Variants in SDR42E2 observed in about 807,000 individuals in gnomAD.
The protein encoded by SDR42E2 is putative short-chain dehydrogenase/reductase family 42E member 2.
Under a neutral mutation model 10.5 loss-of-function variants are expected in SDR42E2, and 20 were observed. The observed-to-expected ratio is 1.90, with a 90% CI of 1.34 to 2.77. The LOEUF (loss-of-function observed/expected upper bound fraction) is 2.77, where lower values mean the gene tolerates loss of function less well. Ranked by LOEUF, SDR42E2 falls within the 30% of genes most tolerant of loss-of-function variation. SDR42E2 has a pLI of 0.00. For synonymous variants in SDR42E2, 72 were observed against 39.2 expected (o/e 1.84, Z -3.12); for missense variants, 162 against 104.2 (o/e 1.55, Z -2.42).
rs2046762391 is a variant in SDR42E2 at position 22,190,196 on chromosome 16, G to A, written c.1072G>A (p.Gly358Ser). ...FQIAKARAQL[G>S]YAPDKFRFAD... ...GATAGCCAAGGCCCGCGCCCAGCTCGGCTACGCGCCGGATAAGTTTAGGTT... is the reference window on the plus strand; with the variant it reads ...GATAGCCAAGGCCCGCGCCCAGCTCAGCTACGCGCCGGATAAGTTTAGGTT... Residue 358 changes from glycine to serine, a missense_variant, in exon 13 of 13, where the codon GGC becomes AGC. Physicochemically the swap from Gly to Ser is moderately conservative, Grantham distance 56. Transcript: ENST00000602312. The A allele has an allele frequency of 2.5e-6, 1 of 401,074 alleles. No homozygotes were observed. Among genetic ancestry groups the A allele is most frequent in the East Asian group, 3.6e-5 (1 of 28,046 alleles). The allele number at this position is 401,074 out of a possible 1,614,324, so 24.8% of individuals were successfully genotyped here.
intron 7 of SDR42E2, among the ~76,000 whole-genome samples, chr16:22,173,905 G>GTATATATATATATATATATA (rs770541596): frequency 2.3e-4 from 27 of 114,990 alleles, no homozygotes; most frequent in South Asian, 1.2e-3. Context: ...ATGTGTGTGT[G>GTATATATATATATATATATA]TATATATATA....
intron 5 of SDR42E2, among the ~76,000 whole-genome samples, chr16:22,170,447 T>C (rs1330518631): frequency 6.6e-6 from 1 of 152,238 alleles, no homozygotes; most frequent in East Asian, 1.9e-4. Flanking sequence ...TGCCTGGGCA[T>C]GTCCTGCCTT....
chr16:22,169,475 G>T lies in SDR42E2; in HGVS notation c.367G>T (p.Val123Phe), dbSNP rs2046574478. 1 of 703,448 alleles carries T rather than the reference G, an allele frequency of 1.4e-6. No individual in the cohort carries two copies. The highest frequency in any genetic ancestry group is 1.5e-5 in the South Asian group (1 of 67,608). The allele number at this position is 703,448 out of a possible 1,614,324, so 43.6% of individuals were successfully genotyped here. A position where few individuals can be genotyped will look rare whatever the true frequency, so the allele number is the denominator to read the frequency against. Reference sequence around the variant, plus strand: ...GAAAGAGCAGATTGAGTCTATAAATGTTGGAGGCACCAAACTAGTGATTGA... The same window carrying T: ...GAAAGAGCAGATTGAGTCTATAAATTTTGGAGGCACCAAACTAGTGATTGA... The part of the protein sequence containing the change: ...LQKEQIESIN[V>F]GGTKLVIDVC... The change falls in exon 5 of 13, where the codon GTT becomes TTT. Residue 123 changes from valine to phenylalanine, a missense_variant. Physicochemically the swap from Val to Phe is conservative, Grantham distance 50. Transcript: ENST00000602312.
chr16:22,187,643 T>C (rs2046745045), intron 12 of SDR42E2, among the ~76,000 whole-genome samples: 1 of 150,488 alleles, frequency 6.6e-6, no homozygotes, highest in South Asian at 2.1e-4. Flanking sequence ...GCCTTCTAAA[T>C]AGCTGAGATT....
At chr16:22,181,710 C>T (rs2046697444) in intron 9 of SDR42E2, 54 bp downstream of exon 9, 3 of 682,162 alleles carry the variant, frequency 4.4e-6, no homozygotes, top group South Asian at 1.5e-5. Context: ...GCAGGCAGAG[C>T]GTCCCATCCC....
rs758470613 is a variant in SDR42E2, at chr16:22,167,038, TGG to T, written c.336+42_336+43del. On this transcript the variant is annotated intron_variant, in intron 4 of 12. Coordinates refer to ENST00000602312, the MANE Select transcript of SDR42E2 (RefSeq NM_001394319.2). ...ACACAACACCTGGAGTTAGACAGAGTGGGGTTCCAGTCCTGGCTCTGCCCTCA... is the reference window on the plus strand; with the variant it reads ...ACACAACACCTGGAGTTAGACAGAGTGGTTCCAGTCCTGGCTCTGCCCTCA... 1.6e-5 allele frequency: 11 copies of T among 696,964 alleles called. 1 individual carries two copies. In the South Asian group the frequency reaches 1.6e-4, roughly 10 times the overall value. The allele number at this position is 696,964 out of a possible 1,614,324, so 43.2% of individuals were successfully genotyped here. A position where few individuals can be genotyped will look rare whatever the true frequency, so the allele number is the denominator to read the frequency against.
At chr16:22,187,171 A>G (rs1318567476) in intron 12 of SDR42E2, among the ~76,000 whole-genome samples, 1 of 152,048 alleles carries the variant, frequency 6.6e-6, no homozygotes, top group African/African-American at 2.4e-5. Context: ...ACATACATAC[A>G]CACACACAAC....
rs923348464 is a variant in SDR42E2 at position 22,165,610 on chromosome 16, C to T, written c.28C>T (p.Leu10=). The T allele has an allele frequency of 2.5e-6, 1 of 401,540 alleles. No individual in the cohort carries two copies. The highest frequency in any genetic ancestry group is 4.4e-5 in the Admixed American group (1 of 22,746). 24.9% of individuals were successfully genotyped at this position (401,540 alleles called of 1,614,324 possible). A position where few individuals can be genotyped will look rare whatever the true frequency, so the allele number is the denominator to read the frequency against. ...GAAGTCCAACCCCCCACGCTCCTCC[C>T]TAGAGGCCTGCAAAGCTGCAGGCCA... The part of the protein sequence containing the change: MKSNPPRSS[L]EACKAAGQAP... Residue 10 remains leucine, a synonymous_variant, in exon 2 of 13, where the codon CTA becomes TTA. Coordinates refer to ENST00000602312, the MANE Select transcript of SDR42E2 (RefSeq NM_001394319.2).
chr16:22,190,185 G>A lies in SDR42E2; in HGVS notation c.1061G>A (p.Arg354His). 1 of 401,074 alleles carries A rather than the reference G, an allele frequency of 2.5e-6. No homozygotes were observed. The highest frequency in any genetic ancestry group is 1.3e-4 in the South Asian group (1 of 7,996). 24.8% of individuals were successfully genotyped at this position (401,074 alleles called of 1,614,324 possible). ...CACACCTTCCAGATAGCCAAGGCCC[G>A]CGCCCAGCTCGGCTACGCGCCGGAT... ...VTHTFQIAKARAQLGYAPDKF... is the reference protein window; with the variant it reads ...VTHTFQIAKAHAQLGYAPDKF... The change falls in exon 13 of 13, where the codon CGC becomes CAC. Residue 354 changes from arginine (R) to histidine (H), a missense_variant. By Grantham distance (29) the Arg-to-His change is conservative. Transcript: ENST00000602312.
intron 5 of SDR42E2, 112 bp downstream of exon 5, chr16:22,169,614 G>A (rs556924729): frequency 4.3e-5 from 30 of 692,492 alleles, no homozygotes; most frequent in Non-Finnish European, 5.8e-5. Context: ...TGTGGGCAGC[G>A]CATCCTTCGT....
intron 8 of SDR42E2, among the ~76,000 whole-genome samples, chr16:22,179,504 A>G (rs8061434): frequency 0.052 from 7,975 of 152,178 alleles, 698 homozygotes; most frequent in African/African-American, 0.18. Flanking sequence ...CAGATAATGA[A>G]CATGTTAAAT....
chr16:22,179,402 T>C (rs1344422081), intron 8 of SDR42E2, among the ~76,000 whole-genome samples: 2 of 152,206 alleles, frequency 1.3e-5, no homozygotes, highest in Non-Finnish European at 2.9e-5. Flanking sequence ...ACTCCTAGTA[T>C]GTGCCCCGCA....
intron 8 of SDR42E2, among the ~76,000 whole-genome samples, chr16:22,179,151 T>C (rs1567242760): frequency 6.6e-6 from 1 of 152,102 alleles, no homozygotes; most frequent in African/African-American, 2.4e-5. Flanking sequence ...CCATGCCTGA[T>C]TGACTATTTT....
rs923604134 is a variant in SDR42E2 at position 22,190,437 on chromosome 16, C to G, written c.*44C>G. 1.5e-5 allele frequency: 6 copies of G among 401,012 alleles called. No homozygotes were observed. The highest frequency in any genetic ancestry group is 2.6e-5 in the Non-Finnish European group (6 of 227,304). The allele number at this position is 401,012 out of a possible 1,614,324, so 24.8% of individuals were successfully genotyped here. ...CCGCTAGGGTCGGCCCCGCTGCACCCTCGCCCACGCCCGGCTCCCTGGGCT... is the reference window on the plus strand; with the variant it reads ...CCGCTAGGGTCGGCCCCGCTGCACCGTCGCCCACGCCCGGCTCCCTGGGCT... On this transcript the variant is annotated 3_prime_UTR_variant, in exon 13 of 13. Transcript: ENST00000602312.
intron 10 of SDR42E2, among the ~76,000 whole-genome samples, chr16:22,183,495 C>G (rs1391464688): frequency 6.6e-6 from 1 of 152,184 alleles, no homozygotes; most frequent in Non-Finnish European, 1.5e-5. Flanking sequence ...GGGGCCTCCC[C>G]ACACGGCAGC....
At chr16:22,168,173 T>C (rs753024904) in intron 4 of SDR42E2, among the ~76,000 whole-genome samples, 2 of 152,068 alleles carry the variant, frequency 1.3e-5, no homozygotes, top group Non-Finnish European at 2.9e-5. Context: ...GGTGGGAGGA[T>C]TGCTTGAGCC....
At chr16:22,190,077 C>G (rs954059571) in intron 12 of SDR42E2, 62 bp from the exon 13 acceptor site, 2 of 400,646 alleles carry the variant, frequency 5.0e-6, no homozygotes, top group East Asian at 3.6e-5. Flanking sequence ...CCGTAAACAA[C>G]GAAGTAGAGG....
At chr16:22,164,290 G>A (rs2046518619) in intron 1 of SDR42E2, among the ~76,000 whole-genome samples, 1 of 152,148 alleles carries the variant, frequency 6.6e-6, no homozygotes, top group Non-Finnish European at 1.5e-5. Context: ...TGGATGCGGT[G>A]GCTCACACCT....
At chr16:22,188,758 C>A (rs1273538484) in intron 12 of SDR42E2, among the ~76,000 whole-genome samples, 1 of 152,134 alleles carries the variant, frequency 6.6e-6, no homozygotes, top group East Asian at 1.9e-4. Context: ...GGCTGTGGCT[C>A]GGGTACCCTC....
Sources: allele counts gnomAD v4.1 joint callset (sites outside exome capture counted in the v4.1 genomes callset), GRCh38; gene constraint gnomAD v4.1.1; transcripts MANE v1.5; gene names NCBI Gene and HGNC (gene_info 2026-07-23, HGNC 2026-07-21).